The following ZBBX variants were observed in gnomAD, a reference collection of about 807,000 sequenced individuals.
The protein encoded by ZBBX is zinc finger B-box domain-containing protein 1.
ZBBX carries 101 observed loss-of-function variants against 108.5 expected under a neutral mutation model. That is an observed-to-expected ratio of 0.93 (90% CI 0.79 to 1.10). The LOEUF is 1.10. Ranked by LOEUF, ZBBX falls within the 50% of genes least tolerant of loss-of-function variation. ZBBX has a pLI of 0.00. For missense variants in ZBBX, 1,009 were observed against 941.4 expected (o/e 1.07, Z -0.94); for synonymous variants, 356 against 323.4 (o/e 1.10, Z -1.08).
At chr3:167,268,519 A>T (rs1412021104) in intron 20 of ZBBX, among the ~76,000 whole-genome samples, 2 of 152,098 alleles carry the variant, frequency 1.3e-5, no homozygotes, top group African/African-American at 2.4e-5. Flanking sequence ...TTAGGGAATC[A>T]GTACCCTGAA....
upstream of ZBBX, among the ~76,000 whole-genome samples, chr3:167,381,615 T>G (rs1189852417): frequency 6.6e-6 from 1 of 152,192 alleles, no homozygotes; most frequent in African/African-American, 2.4e-5. Flanking sequence ...CTACTGGTTT[T>G]CTTGCACAGA....
chr3:167,198,778 C>T, the ZBBX span, among the ~76,000 whole-genome samples: 1 of 152,154 alleles, frequency 6.6e-6, no homozygotes, highest in African/African-American at 2.4e-5. Flanking sequence ...ATAACAAACG[C>T]ACCTTCAAAA....
At chr3:167,328,510 G>T (rs1461599971) in intron 10 of ZBBX, among the ~76,000 whole-genome samples, 1 of 151,744 alleles carries the variant, frequency 6.6e-6, no homozygotes, top group African/African-American at 2.4e-5. Context: ...ATGTAAATCT[G>T]ATCAGACATT....
intron 18 of ZBBX, among the ~76,000 whole-genome samples, chr3:167,294,937 C>A (rs1464756411): frequency 6.6e-6 from 1 of 151,976 alleles, no homozygotes; most frequent in Non-Finnish European, 1.5e-5. Flanking sequence ...AACAAACAAA[C>A]AAAAAGCTCA....
At chr3:167,191,903 A>ATATATATG in the ZBBX span, among the ~76,000 whole-genome samples, 2 of 111,200 alleles carry the variant, frequency 1.8e-5, no homozygotes, top group Non-Finnish European at 3.5e-5. Flanking sequence ...AATCATATAT[A>ATATATATG]TATATATATA....
In ZBBX at chr3:167,286,530, T is replaced by C. The variant is rs139014838; in HGVS notation, c.1996+2337A>G. On this transcript the variant is annotated intron_variant, in intron 19 of 21. Transcript: ENST00000675490. ...TGGAAATGAATTATAGCAACATGATTTTGGGAGAAGTAAAAGTGAAAATGG... is the reference window on the plus strand; with the variant it reads ...TGGAAATGAATTATAGCAACATGATCTTGGGAGAAGTAAAAGTGAAAATGG... Among the ~76,000 whole-genome samples, 363 of 152,188 alleles carry C rather than the reference T, an allele frequency of 2.4e-3. 2 individuals carry two copies. Among genetic ancestry groups the C allele is most frequent in the African/African-American group, 7.3e-3 (305 of 41,530 alleles).
intron 8 of ZBBX, among the ~76,000 whole-genome samples, chr3:167,356,395 C>G (rs943468203): frequency 6.6e-6 from 1 of 151,918 alleles, no homozygotes; most frequent in Non-Finnish European, 1.5e-5. Context: ...GTGCAGCATT[C>G]GAACTCAGAG....
intron 20 of ZBBX, chr3:167,248,702 G>A: frequency 2.2e-6 from 1 of 456,192 alleles, no homozygotes; most frequent in Admixed American, 2.4e-5. Context: ...CAGGTATAAT[G>A]TAAATGGGCA....
At chr3:167,197,439 G>A in the ZBBX span, among the ~76,000 whole-genome samples, 1 of 152,142 alleles carries the variant, frequency 6.6e-6, no homozygotes, top group East Asian at 1.9e-4. Context: ...TCAGGAGGCT[G>A]AGTCAGGAGA....
chr3:167,272,053 G>T (rs150906723), intron 20 of ZBBX, among the ~76,000 whole-genome samples: 1 of 152,296 alleles, frequency 6.6e-6, no homozygotes, highest in African/African-American at 2.4e-5. Flanking sequence ...TCATCAGGGA[G>T]AGTAGAAAGG....
At chr3:167,242,319 A>C (rs1179592038) in intron 21 of ZBBX, among the ~76,000 whole-genome samples, 186 bp downstream of exon 21, 2 of 152,166 alleles carry the variant, frequency 1.3e-5, no homozygotes, top group Admixed American at 6.5e-5. Flanking sequence ...TAAAGTAACA[A>C]CTTTATAAGC....
intron 11 of ZBBX, among the ~76,000 whole-genome samples, chr3:167,324,062 G>T (rs1736932612): frequency 6.6e-6 from 1 of 152,058 alleles, no homozygotes. Context: ...TTTGTAATAA[G>T]AGATACACAA....
the ZBBX span, among the ~76,000 whole-genome samples, chr3:167,211,360 G>A: frequency 6.6e-6 from 1 of 152,194 alleles, no homozygotes; most frequent in East Asian, 1.9e-4. Flanking sequence ...TGGAGATTCT[G>A]GAGACAGATA....
At chr3:167,313,873 T>C in intron 16 of ZBBX, 101 bp downstream of exon 16, 1 of 1,129,092 alleles carries the variant, frequency 8.9e-7, no homozygotes, top group Non-Finnish European at 1.2e-6. Flanking sequence ...CTGAGGTTTT[T>C]TTGGTTTTAA....
downstream of ZBBX, among the ~76,000 whole-genome samples, chr3:167,235,045 C>T (rs1167651489): frequency 2.6e-5 from 4 of 151,690 alleles, no homozygotes; most frequent in Non-Finnish European, 5.9e-5. Flanking sequence ...CTGTAGTAGT[C>T]CATGACTGTC....
chr3:167,275,042 G>A (rs1727258465), intron 20 of ZBBX, among the ~76,000 whole-genome samples: 1 of 152,102 alleles, frequency 6.6e-6, no homozygotes, highest in Admixed American at 6.5e-5. Flanking sequence ...TAATATTTTT[G>A]TGGTGGAAAA....
intron 1 of ZBBX, among the ~76,000 whole-genome samples, chr3:167,405,337 CAGA>C (rs1207129216): frequency 6.6e-6 from 1 of 151,928 alleles, no homozygotes; most frequent in Non-Finnish European, 1.5e-5. Flanking sequence ...GTGCAGACAG[CAGA>C]AGAAGAAACT....
At chr3:167,270,891 C>T (rs905245412) in intron 20 of ZBBX, among the ~76,000 whole-genome samples, 2 of 152,156 alleles carry the variant, frequency 1.3e-5, no homozygotes. Flanking sequence ...CAGGGAGCAC[C>T]TATGTCTCAA....
intron 6 of ZBBX, among the ~76,000 whole-genome samples, chr3:167,361,931 T>C (rs147624056): frequency 6.6e-6 from 1 of 152,304 alleles, no homozygotes; most frequent in African/African-American, 2.4e-5. Context: ...TTGTTTTTAT[T>C]ATTATGAATA....
Sources: allele counts gnomAD v4.1 joint callset (sites outside exome capture counted in the v4.1 genomes callset), GRCh38; gene constraint gnomAD v4.1.1; transcripts MANE v1.5; gene names NCBI Gene and HGNC (gene_info 2026-07-23, HGNC 2026-07-21).